PPIE: variants seen among roughly 807,000 people sequenced by gnomAD.
The protein encoded by PPIE is peptidyl-prolyl cis-trans isomerase E.
In PPIE, 20 loss-of-function variants were observed where a neutral mutation model predicts 38.4. That is an observed-to-expected ratio of 0.52 (90% CI 0.37 to 0.76). The LOEUF (loss-of-function observed/expected upper bound fraction) is 0.76. Among genes scored for constraint, PPIE ranks in the 30% least tolerant of loss-of-function variants. The pLI is 0.00. For missense variants in PPIE, 322 were observed against 385.8 expected (o/e 0.83, Z 1.39); for synonymous variants, 142 against 135.7 (o/e 1.05, Z -0.32).
At chr1:39,740,470 T>C (rs1313931645) in intron 2 of PPIE, among the ~76,000 whole-genome samples, 1 of 152,116 alleles carries the variant, frequency 6.6e-6, no homozygotes, top group East Asian at 1.9e-4. Context: ...CTTTCCAGAG[T>C]CTTCAGCTGT....
At chr1:39,752,668 C>CACTTAATT (rs1647859250) in intron 8 of PPIE, among the ~76,000 whole-genome samples, 1 of 152,204 alleles carries the variant, frequency 6.6e-6, no homozygotes, top group Admixed American at 6.5e-5. Flanking sequence ...GTCAAGTAGA[C>CACTTAATT]ACTTAATTGT....
intron 5 of PPIE, 83 bp downstream of exon 5, chr1:39,743,380 G>A: frequency 8.1e-7 from 1 of 1,228,410 alleles, no homozygotes; most frequent in Non-Finnish European, 1.2e-6. Flanking sequence ...TTACTTGGAA[G>A]TAGATGCTAA....
chr1:39,746,669 T>A (rs535739927), intron 7 of PPIE: 19 of 152,352 alleles, frequency 1.2e-4, no homozygotes, highest in Admixed American at 7.8e-4. Flanking sequence ...GTCTCCAGGA[T>A]TACCTGCACC....
chr1:39,755,948 T>A lies in PPIE; in HGVS notation c.*2593T>A, dbSNP rs1359282929. 1.0e-6 allele frequency: 1 copy of A among 985,334 alleles called. No individual in the cohort carries two copies. The highest frequency in any genetic ancestry group is 1.2e-6 in the Non-Finnish European group (1 of 829,936). 61.0% of individuals were successfully genotyped at this position (985,334 alleles called of 1,614,324 possible). A position where few individuals can be genotyped will look rare whatever the true frequency, so the allele number is the denominator to read the frequency against. ...AGTAATGGAGTCCTGGGAGGTTTAC[T>A]AGGCTTTAGCCTCAATCTGTGGCGG... On this transcript the variant is annotated 3_prime_UTR_variant, in exon 10 of 10. Transcript: ENST00000324379.
At chr1:39,743,959 C>T (rs772857641) in intron 6 of PPIE, 35 bp downstream of exon 6, 15 of 1,501,526 alleles carry the variant, frequency 1.0e-5, no homozygotes, top group East Asian at 4.5e-5. Flanking sequence ...GAGCACAGGC[C>T]GGCGCTGTCC....
At chr1:39,739,841 AGT>A (rs1250708156) in intron 1 of PPIE, among the ~76,000 whole-genome samples, 1 of 152,176 alleles carries the variant, frequency 6.6e-6, no homozygotes, top group Non-Finnish European at 1.5e-5. Context: ...CCTTTGAAGG[AGT>A]GTAAGCGAAA....
At position 39,745,516 on chromosome 1, in the gene PPIE, G is replaced by A. The variant is rs755971601; in HGVS notation, c.508+18G>A. On this transcript the variant is annotated intron_variant, in intron 7 of 9. Transcript: ENST00000324379. ...GACAGCAGGTGAGCAGGACGCTGTG[G>A]TCAGAACGGCGGGACGCTGGTGGCT... 6 of 1,614,190 alleles carry A rather than the reference G, an allele frequency of 3.7e-6. No individual in the cohort carries two copies. In the South Asian group the frequency reaches 6.6e-5, roughly 18 times the overall value.
chr1:39,761,421 A>ACCACCC (rs1648956933), downstream of PPIE: 1 of 133,094 alleles, frequency 7.5e-6, no homozygotes, highest in Non-Finnish European at 1.6e-5. Flanking sequence ...ACCTTCCACC[A>ACCACCC]CCACCCCCAC....
chr1:39,760,256 G>T, downstream of PPIE: 2 of 1,182,602 alleles, frequency 1.7e-6, no homozygotes, highest in Non-Finnish European at 2.3e-6. Context: ...GGCAAGGGGA[G>T]CATAGGAGCC....
intron 9 of PPIE, chr1:39,763,176 G>C (rs1490970731): frequency 1.2e-6 from 2 of 1,613,760 alleles, no homozygotes; most frequent in Non-Finnish European, 1.7e-6. Context: ...AATAGGCCGA[G>C]TAGCCTTGGG....
intron 8 of PPIE, among the ~76,000 whole-genome samples, chr1:39,749,544 G>A (rs191720197): frequency 1.6e-4 from 25 of 152,164 alleles, no homozygotes; most frequent in South Asian, 6.2e-4. Flanking sequence ...AGTCCCAACC[G>A]GAGATGATGT....
chr1:39,744,744 G>A (rs749221694), intron 6 of PPIE, among the ~76,000 whole-genome samples: 2 of 152,100 alleles, frequency 1.3e-5, no homozygotes, highest in Non-Finnish European at 2.9e-5. Context: ...ATTGACCCAC[G>A]CCAGAAATTT....
downstream of PPIE, chr1:39,757,130 T>C (rs1648362324): frequency 6.6e-6 from 1 of 152,250 alleles, no homozygotes; most frequent in Non-Finnish European, 1.5e-5. Flanking sequence ...AGGGATGCCA[T>C]GTGTAGATGG....
At position 39,755,935 on chromosome 1, in the gene PPIE, C is replaced by G; in HGVS notation, c.*2580C>G. On this transcript the variant is annotated 3_prime_UTR_variant, in exon 10 of 10. Coordinates refer to ENST00000324379, the MANE Select transcript of PPIE (RefSeq NM_006112.4). ...GTCTCTCTTCAGTAGTAATGGAGTC[C>G]TGGGAGGTTTACTAGGCTTTAGCCT... is the stretch of plus-strand genomic sequence containing the variant. 1 of 985,400 alleles carries G rather than the reference C, an allele frequency of 1.0e-6. No homozygotes were observed. The highest frequency in any genetic ancestry group is 1.7e-5 in the African/African-American group (1 of 57,346). The allele number at this position is 985,400 out of a possible 1,614,324, so 61.0% of individuals were successfully genotyped here.
In PPIE at chr1:39,756,183, G is replaced by C. The variant is rs502657; in HGVS notation, c.*2828G>C. 140,606 of 985,384 alleles carry C rather than the reference G, an allele frequency of 0.14. 10,548 individuals carry two copies. The highest frequency in any genetic ancestry group is 0.16 in the Admixed American group (2,568 of 16,280). The allele number at this position is 985,384 out of a possible 1,614,324, so 61.0% of individuals were successfully genotyped here. A position where few individuals can be genotyped will look rare whatever the true frequency, so the allele number is the denominator to read the frequency against. ...CACCTGGCTGCCTCGGGAAAACTCT[G>C]ACCTCTCTGGGAAGTGGAGCCAGTG... On this transcript the variant is annotated 3_prime_UTR_variant, in exon 10 of 10. Transcript: ENST00000324379.
chr1:39,748,935 G>C lies in PPIE; in HGVS notation c.541G>C (p.Gly181Arg). The C allele has an allele frequency of 1.2e-6, 2 of 1,614,066 alleles. No individual in the cohort carries two copies. The highest frequency in any genetic ancestry group is 1.7e-6 in the Non-Finnish European group (2 of 1,180,008). The change falls in exon 8 of 10, where the codon GGC becomes CGC. Residue 181 changes from glycine to arginine, a missense_variant. Gly to Arg is a moderately radical substitution (Grantham distance 125). Transcript: ENST00000324379. ...NFRCLCTHEK[G>R]FGFKGSSFHR... is the part of the protein sequence containing the mutation. ...CCGCTGCCTGTGCACTCATGAAAAGGGCTTTGGCTTTAAGGGAAGCAGCTT... is the reference window on the plus strand; with the variant it reads ...CCGCTGCCTGTGCACTCATGAAAAGCGCTTTGGCTTTAAGGGAAGCAGCTT...
At chr1:39,759,073 A>G (rs938393644), downstream of PPIE, 8 of 152,238 alleles carry the variant, frequency 5.3e-5, no homozygotes, top group African/African-American at 7.2e-5. Flanking sequence ...GACTCTGTCT[A>G]TTCCAGCAGG....
chr1:39,763,467 C>G (rs1308639004), intron 9 of PPIE, among the ~76,000 whole-genome samples: 6 of 144,956 alleles, frequency 4.1e-5, no homozygotes, highest in Admixed American at 1.3e-4. Context: ...AGTTACCCTG[C>G]AGCAATGCTG....
intron 2 of PPIE, 27 bp downstream of exon 2, chr1:39,740,290 A>T (rs1175576933): frequency 6.4e-7 from 1 of 1,555,730 alleles, no homozygotes; most frequent in Non-Finnish European, 8.8e-7. Flanking sequence ...CACGTTCAGA[A>T]TCCTCTTACT....
Sources: gnomAD v4.1 joint callset for allele counts (sites outside exome capture counted in the v4.1 genomes callset) on GRCh38, gnomAD v4.1.1 for gene constraint, MANE v1.5 for transcripts, NCBI Gene and HGNC (gene_info 2026-07-23, HGNC 2026-07-21) for gene names.